Variants in ZCCHC8 observed in about 807,000 individuals in gnomAD.
ZCCHC8 encodes the protein zinc finger CCHC domain-containing protein 8.
In ZCCHC8, 27 loss-of-function variants were observed where a neutral mutation model predicts 70.6. That is an observed-to-expected ratio of 0.38 (90% CI 0.28 to 0.53). The LOEUF (loss-of-function observed/expected upper bound fraction) is 0.53, where lower values mean the gene tolerates loss of function less well. Ranked by LOEUF, ZCCHC8 falls within the 20% of genes least tolerant of loss-of-function variation. The pLI is 0.81. For synonymous variants in ZCCHC8, 293 were observed against 317.4 expected, an observed-to-expected ratio of 0.92 and a Z score of 0.82; for missense variants, 737 against 876.9, an observed-to-expected ratio of 0.84 and a Z score of 2.01.
intron 3 of ZCCHC8, 43 bp from the exon 4 acceptor site, chr12:122,490,610 A>T (rs375611826): frequency 2.4e-6 from 3 of 1,261,568 alleles, no homozygotes; most frequent in Admixed American, 2.2e-5. Flanking sequence ...ACAGAGTAAA[A>T]CATTCAATAG....
intron 5 of ZCCHC8, 122 bp downstream of exon 5, chr12:122,489,264 A>G (rs1957702395): frequency 1.2e-6 from 1 of 838,134 alleles, no homozygotes; most frequent in African/African-American, 1.7e-5. Context: ...TTTACCACAA[A>G]AAGATGCTGT....
chr12:122,483,675 A>G lies in ZCCHC8; in HGVS notation c.502-112T>C, dbSNP rs1957580995. ...ATTTATTTTTGGATGGAATTATTAG[A>G]AATAATAACTTCCTTGTTATTAAGG... On this transcript the variant is annotated intron_variant, in intron 5 of 13. Coordinates refer to ENST00000633063, the MANE Select transcript of ZCCHC8 (RefSeq NM_017612.5). This position sits in a 1 kb window ranked among gnomAD's most constrained non-coding sequence, Gnocchi z 4.4. The G allele has an allele frequency of 4.5e-6, 4 of 894,036 alleles. No homozygotes were observed. Among genetic ancestry groups the G allele is most frequent in the Middle Eastern group, 4.9e-4 (2 of 4,080 alleles). The allele number at this position is 894,036 out of a possible 1,614,324, so 55.4% of individuals were successfully genotyped here.
At chr12:122,480,733 C>T (rs1002888935) in intron 10 of ZCCHC8, 2 of 153,164 alleles carry the variant, frequency 1.3e-5, no homozygotes, top group Non-Finnish European at 2.9e-5. Context: ...CCTCAGCCTC[C>T]CGAGTAGCTG....
At chr12:122,477,293 T>C (rs1174335973) in intron 13 of ZCCHC8, among the ~76,000 whole-genome samples, 1 of 148,850 alleles carries the variant, frequency 6.7e-6, no homozygotes, top group Non-Finnish European at 1.5e-5. Context: ...TAGCTGGGAC[T>C]ACAGGCGCCC....
At position 122,482,105 on chromosome 12, in the gene ZCCHC8, T is replaced by C; in HGVS notation, c.733-18A>G. On this transcript the variant is annotated intron_variant, in intron 8 of 13. Transcript: ENST00000633063. Reference sequence around the variant, plus strand: ...TTCCGAGGCTACATCATGACACATTTGAAAAGAATGGTTTCATGCAACTCA... The same window carrying C: ...TTCCGAGGCTACATCATGACACATTCGAAAAGAATGGTTTCATGCAACTCA... The C allele has an allele frequency of 1.3e-6, 2 of 1,581,938 alleles. No individual in the cohort carries two copies. Among genetic ancestry groups the C allele is most frequent in the South Asian group, 2.4e-5 (2 of 83,960 alleles).
At chr12:122,498,996 G>A in intron 1 of ZCCHC8, 127 bp from the exon 2 acceptor site, 1 of 881,474 alleles carries the variant, frequency 1.1e-6, no homozygotes, top group South Asian at 1.5e-5. Context: ...TTTTGAGGAT[G>A]ACACACTTAT....
intron 1 of ZCCHC8, chr12:122,499,147 T>C: frequency 2.1e-6 from 1 of 472,774 alleles, no homozygotes; most frequent in East Asian, 3.9e-5. Flanking sequence ...TATTGAAGCA[T>C]CAGTGTTCCT....
intron 1 of ZCCHC8, 55 bp from the exon 2 acceptor site, chr12:122,498,924 T>G: frequency 6.8e-7 from 1 of 1,468,046 alleles, no homozygotes; most frequent in Non-Finnish European, 9.5e-7. Flanking sequence ...ATCATAAAAT[T>G]CAACTACTAC....
chr12:122,500,686 C>A lies in ZCCHC8; in HGVS notation c.155G>T (p.Arg52Leu). 1.3e-6 allele frequency: 2 copies of A among 1,583,152 alleles called. No homozygotes were observed. The highest frequency in any genetic ancestry group is 2.3e-5 in the East Asian group (1 of 43,060). The change falls in exon 1 of 14, where the codon CGG (arginine) becomes CTG (leucine). Residue 52 changes from arginine (R) to leucine (L), a missense_variant. Transcript: ENST00000633063. This position sits in a 1 kb window ranked among gnomAD's most constrained non-coding sequence, Gnocchi z 4.8. Reference sequence around the variant, plus strand: ...GATGGTCTCCTCGCACTGCCGAAGCCGCTCCCGTAGCTCCGCGTCGCCGAC... The same window carrying A: ...GATGGTCTCCTCGCACTGCCGAAGCAGCTCCCGTAGCTCCGCGTCGCCGAC... ...NGVGDAELRE[R>L]LRQCEETIEQ...
At chr12:122,484,434 G>A (rs1212972703) in intron 5 of ZCCHC8, among the ~76,000 whole-genome samples, 2 of 146,684 alleles carry the variant, frequency 1.4e-5, no homozygotes, top group Admixed American at 6.8e-5. Context: ...TTTTTTTGAG[G>A]CAGGGTCTTG....
chr12:122,500,616 CAG>C lies in ZCCHC8; in HGVS notation c.199+24_199+25del. 3 of 1,541,752 alleles carry C rather than the reference CAG, an allele frequency of 1.9e-6. No individual in the cohort carries two copies. Among genetic ancestry groups the C allele is most frequent in the Non-Finnish European group, 2.6e-6 (3 of 1,144,810 alleles). The stretch of plus-strand genomic sequence containing the variant: ...CTGCCCCGGCCCCACACCCGGGTGA[CAG>C]GGCCCAGCGAGAGGAAAGGATATTC... On this transcript the variant is annotated intron_variant, in intron 1 of 13. Coordinates refer to ENST00000633063, the MANE Select transcript of ZCCHC8 (RefSeq NM_017612.5). This position sits in a 1 kb window ranked among gnomAD's most constrained non-coding sequence, Gnocchi z 4.8.
intron 5 of ZCCHC8, among the ~76,000 whole-genome samples, chr12:122,486,771 C>T (rs1270445208): frequency 1.3e-5 from 2 of 152,156 alleles, no homozygotes; most frequent in African/African-American, 2.4e-5. Flanking sequence ...GGTTTTGCCA[C>T]GTTGGCCAGG....
At position 122,489,424 on chromosome 12, in the gene ZCCHC8, C is replaced by A; in HGVS notation, c.463G>T (p.Glu155Ter). ...IVLEEDHKVE[E>*]SCAIKNNKEA... ...TTGTTGTTTTTAATGGCACAGGACT[C>A]TTCCACTTTGTGGTCCTCCTCTAGC... The change falls in exon 5 of 14, where the codon GAG becomes TAG. Residue 155 changes from glutamate (E) to a stop codon, truncating the protein, a stop_gained. Coordinates refer to ENST00000633063, the MANE Select transcript of ZCCHC8 (RefSeq NM_017612.5). LOFTEE classifies it high-confidence loss of function. 1 of 1,613,870 alleles carries A rather than the reference C, an allele frequency of 6.2e-7. No individual in the cohort carries two copies. The highest frequency in any genetic ancestry group is 8.5e-7 in the Non-Finnish European group (1 of 1,179,808).
At chr12:122,475,377 C>T (rs1194208259) in intron 13 of ZCCHC8, among the ~76,000 whole-genome samples, 1 of 152,186 alleles carries the variant, frequency 6.6e-6, no homozygotes, top group Non-Finnish European at 1.5e-5. Context: ...CACTGCTCGC[C>T]TGAACTGCAG....
intron 5 of ZCCHC8, among the ~76,000 whole-genome samples, chr12:122,485,571 G>C (rs959505945): frequency 6.6e-6 from 1 of 152,084 alleles, no homozygotes; most frequent in African/African-American, 2.4e-5. Context: ...GCGTGTGAGT[G>C]GCATCTCAAA....
rs1280121799 is a variant in ZCCHC8 at position 122,472,260 on chromosome 12, T to G, written c.*1237A>C. On this transcript the variant is annotated 3_prime_UTR_variant, in exon 14 of 14. Coordinates refer to ENST00000633063, the MANE Select transcript of ZCCHC8 (RefSeq NM_017612.5). Reference sequence around the variant, plus strand: ...TTTGCTCTTGTTGCCCAGGCTGGAGTGCAATGGCGCGACCTCGGCTCACTG... The same window carrying G: ...TTTGCTCTTGTTGCCCAGGCTGGAGGGCAATGGCGCGACCTCGGCTCACTG... 6.8e-6 allele frequency: 1 copy of G among 147,290 alleles called. No homozygotes were observed. Among genetic ancestry groups the G allele is most frequent in the Non-Finnish European group, 1.5e-5 (1 of 67,444 alleles). The allele number at this position is 147,290 out of a possible 1,614,324, so 9.1% of individuals were successfully genotyped here.
rs535233366 is a variant in ZCCHC8, at chr12:122,479,371, C to T, written c.1140+819G>A. 2.3e-3 allele frequency among the ~76,000 whole-genome samples: 357 copies of T among 152,262 alleles called. 5 individuals carry two copies. Among genetic ancestry groups the T allele is most frequent in the Admixed American group, 5.2e-3 (80 of 15,298 alleles). On this transcript the variant is annotated intron_variant, in intron 11 of 13. Transcript: ENST00000633063. ...GGATTACAGGCACGGGCCACTGCGC[C>T]GGCCAAGAATATGCTTTTTAAATAA...
At chr12:122,490,784 T>C (rs1308946814) in intron 3 of ZCCHC8, among the ~76,000 whole-genome samples, 2 of 152,174 alleles carry the variant, frequency 1.3e-5, no homozygotes, top group Non-Finnish European at 1.5e-5. Context: ...AACACAGTGA[T>C]TGGCATAACA....
intron 4 of ZCCHC8, among the ~76,000 whole-genome samples, chr12:122,490,257 C>T (rs114493233): frequency 0.017 from 2,592 of 152,224 alleles, 73 homozygotes; most frequent in African/African-American, 0.054. Flanking sequence ...ATGTCCAAGT[C>T]AGGCAATGTA....
Sources: allele counts gnomAD v4.1 joint callset (sites outside exome capture counted in the v4.1 genomes callset), GRCh38; gene constraint gnomAD v4.1.1; non-coding constraint Gnocchi (gnomAD v3.1); transcripts MANE v1.5; gene names NCBI Gene and HGNC (gene_info 2026-07-23, HGNC 2026-07-21).